GLIS3: variants seen among roughly 807,000 people sequenced by gnomAD.
GLIS3 encodes the protein zinc finger protein GLIS3.
A neutral mutation model predicts 78.6 loss-of-function variants in GLIS3; 53 were observed. The observed-to-expected ratio is 0.67, with a 90% CI of 0.54 to 0.85. GLIS3 has a LOEUF of 0.85. Ranked by LOEUF, GLIS3 falls within the 40% of genes least tolerant of loss-of-function variation. The pLI is 0.00. For synonymous variants in GLIS3, 684 were observed against 509.9 expected, an observed-to-expected ratio of 1.34 and a Z score of -4.60; for missense variants, 1,703 against 1,231.1, an observed-to-expected ratio of 1.38 and a Z score of -5.74.
chr9:4,119,846 T>C (rs748765353), intron 3 of GLIS3, among the ~76,000 whole-genome samples: 3 of 152,252 alleles, frequency 2.0e-5, no homozygotes, highest in Non-Finnish European at 2.9e-5. Context: ...TACTGTGACA[T>C]TGTTGCCTTG....
intron 4 of GLIS3, among the ~76,000 whole-genome samples, chr9:4,099,728 G>A (rs983627543): frequency 6.6e-6 from 1 of 152,082 alleles, no homozygotes; most frequent in Non-Finnish European, 1.5e-5. Flanking sequence ...TTTCTGTTTT[G>A]CAGGATACAA....
chr9:3,829,461 G>C lies in GLIS3; in HGVS notation c.2505C>G (p.Pro835=), dbSNP rs1390366370. Residue 835 remains proline, a synonymous_variant, in exon 10 of 11, where the codon CCC becomes CCG. Transcript: ENST00000381971. ...TTCTCTGGGAATCGGGGTAGTGTGG[G>C]GGACAGAACTTCTGCAGCTGCCCAT... is the stretch of plus-strand genomic sequence containing the variant. The part of the protein sequence containing the change: ...GFYGQLQKFC[P]PHYPDSQRIV... 9 of 1,614,016 alleles carry C rather than the reference G, an allele frequency of 5.6e-6. No homozygotes were observed. The highest frequency in any genetic ancestry group is 7.6e-6 in the Non-Finnish European group (9 of 1,180,022).
chr9:4,168,500 A>G (rs187554201), intron 2 of GLIS3, among the ~76,000 whole-genome samples: 148 of 152,344 alleles, frequency 9.7e-4, no homozygotes, highest in African/African-American at 3.5e-3. Context: ...CTTGAATAGA[A>G]GAATGAAATT....
chr9:4,396,834 G>C, the GLIS3 span, among the ~76,000 whole-genome samples: 1 of 152,016 alleles, frequency 6.6e-6, no homozygotes. Flanking sequence ...TTACGGGCTT[G>C]TGAGGTTTTG....
At chr9:4,054,468 TTC>T (rs1205424313) in intron 4 of GLIS3, 2 of 985,270 alleles carry the variant, frequency 2.0e-6, no homozygotes, top group African/African-American at 3.5e-5. Context: ...CTGGAGTGAA[TTC>T]TTCAGTCAGG....
intron 2 of GLIS3, among the ~76,000 whole-genome samples, chr9:4,257,598 G>C (rs1825093690): frequency 2.4e-5 from 1 of 42,500 alleles, no homozygotes; most frequent in Non-Finnish European, 5.1e-5. Flanking sequence ...TTTTGAGACG[G>C]AGTCTCGCTC....
chr9:4,114,922 C>CA (rs1831518151), intron 4 of GLIS3, among the ~76,000 whole-genome samples: 1 of 152,222 alleles, frequency 6.6e-6, no homozygotes, highest in African/African-American at 2.4e-5. Flanking sequence ...CCAGTTCTGC[C>CA]ACCCAGAATC....
At chr9:3,864,045 A>C (rs1206500355) in intron 8 of GLIS3, among the ~76,000 whole-genome samples, 2 of 152,196 alleles carry the variant, frequency 1.3e-5, no homozygotes, top group Non-Finnish European at 2.9e-5. Context: ...GAGAGAGGGA[A>C]GAAAGGCTGA....
chr9:3,831,402 A>C (rs981571273), intron 9 of GLIS3, among the ~76,000 whole-genome samples: 2 of 151,682 alleles, frequency 1.3e-5, no homozygotes, highest in Admixed American at 1.3e-4. Context: ...AAAGAAATAC[A>C]AATCAAAACA....
At chr9:4,140,086 C>G (rs903099398) in intron 2 of GLIS3, among the ~76,000 whole-genome samples, 1 of 152,148 alleles carries the variant, frequency 6.6e-6, no homozygotes, top group Admixed American at 6.5e-5. Flanking sequence ...TCGTCATAGC[C>G]GCCAGACCAG....
intron 2 of GLIS3, among the ~76,000 whole-genome samples, chr9:4,220,094 C>T (rs1351729756): frequency 6.6e-6 from 1 of 152,102 alleles, no homozygotes; most frequent in Non-Finnish European, 1.5e-5. Context: ...TAAAAGGGCT[C>T]CCACTGACTA....
At chr9:4,077,317 C>T (rs1030817052) in intron 4 of GLIS3, among the ~76,000 whole-genome samples, 1 of 152,174 alleles carries the variant, frequency 6.6e-6, no homozygotes, top group Non-Finnish European at 1.5e-5. Flanking sequence ...TCAATTGGCA[C>T]TGACAAATTG....
At chr9:3,871,987 C>T (rs1387786872) in intron 8 of GLIS3, among the ~76,000 whole-genome samples, 5 of 152,220 alleles carry the variant, frequency 3.3e-5, no homozygotes, top group African/African-American at 1.2e-4. Context: ...CAAGTCACTT[C>T]CTGAATGCTT....
chr9:4,298,889 A>G (rs1234701431), intron 1 of GLIS3, among the ~76,000 whole-genome samples: 1 of 152,160 alleles, frequency 6.6e-6, no homozygotes, highest in Non-Finnish European at 1.5e-5. Context: ...CGTGGAAAAC[A>G]GCCTTCGTGA....
At chr9:4,007,192 C>T (rs1821618012) in intron 4 of GLIS3, among the ~76,000 whole-genome samples, 2 of 152,152 alleles carry the variant, frequency 1.3e-5, no homozygotes, top group South Asian at 2.1e-4. Context: ...CGTGCTTGAG[C>T]CTGCTTGGTG....
At chr9:4,431,166 T>C in the GLIS3 span, among the ~76,000 whole-genome samples, 1 of 152,210 alleles carries the variant, frequency 6.6e-6, no homozygotes, top group Non-Finnish European at 1.5e-5. Flanking sequence ...GTGGAGCACA[T>C]TCCTGTTTTG....
chr9:4,228,573 C>G (rs1412774313), intron 2 of GLIS3, among the ~76,000 whole-genome samples: 1 of 152,124 alleles, frequency 6.6e-6, no homozygotes, highest in African/African-American at 2.4e-5. Flanking sequence ...CAAATACAGC[C>G]AGGGCAAGGG....
chr9:4,181,954 G>A (rs752569419), intron 2 of GLIS3, among the ~76,000 whole-genome samples: 23 of 152,212 alleles, frequency 1.5e-4, no homozygotes, highest in Non-Finnish European at 2.5e-4. Flanking sequence ...AGAATTGTGA[G>A]AAATAATAAA....
chr9:4,441,988 C>G, the GLIS3 span, among the ~76,000 whole-genome samples: 1 of 152,100 alleles, frequency 6.6e-6, no homozygotes, highest in Non-Finnish European at 1.5e-5. Context: ...GAAAAATTTC[C>G]TGTTCTTCAG....
Sources: gnomAD v4.1 joint callset for allele counts (sites outside exome capture counted in the v4.1 genomes callset) on GRCh38, gnomAD v4.1.1 for gene constraint, MANE v1.5 for transcripts, NCBI Gene and HGNC (gene_info 2026-07-23, HGNC 2026-07-21) for gene names.